The following SLC44A5 variants were observed in gnomAD, a reference collection of about 807,000 sequenced individuals.
The protein encoded by SLC44A5 is choline transporter-like protein 5.
SLC44A5 carries 57 observed loss-of-function variants against 101.8 expected under a neutral mutation model. That is an observed-to-expected ratio of 0.56 (90% CI 0.45 to 0.70). SLC44A5 has a LOEUF of 0.70. Among genes scored for constraint, SLC44A5 ranks in the 30% least tolerant of loss-of-function variants. The pLI, the probability that SLC44A5 is intolerant of heterozygous loss-of-function variation, is 0.00. For missense variants in SLC44A5, 737 were observed against 853.1 expected, an observed-to-expected ratio of 0.86 and a Z score of 1.70; for synonymous variants, 281 against 290.9, an observed-to-expected ratio of 0.97 and a Z score of 0.35.
At chr1:75,322,266 T>A (rs2100964669) in intron 4 of SLC44A5, among the ~76,000 whole-genome samples, 1 of 152,262 alleles carries the variant, frequency 6.6e-6, no homozygotes, top group Admixed American at 6.5e-5. Context: ...GAGCTGAGAT[T>A]GTGCCCCTGT....
the SLC44A5 span, among the ~76,000 whole-genome samples, chr1:75,624,936 G>A: frequency 2.0e-5 from 3 of 151,852 alleles, no homozygotes; most frequent in Admixed American, 6.6e-5. Context: ...CTTCCATAAC[G>A]TGCACCAGTC....
intron 4 of SLC44A5, among the ~76,000 whole-genome samples, chr1:75,321,881 T>A (rs1036220906): frequency 6.6e-6 from 1 of 152,222 alleles, no homozygotes; most frequent in African/African-American, 2.4e-5. Context: ...TATGTCAGTT[T>A]CAATTCTAAA....
At chr1:75,371,128 C>T (rs1457436816) in intron 3 of SLC44A5, among the ~76,000 whole-genome samples, 1 of 152,208 alleles carries the variant, frequency 6.6e-6, no homozygotes, top group African/African-American at 2.4e-5. Context: ...TGCTCCATCT[C>T]TCCATCTCTT....
chr1:75,436,184 T>C (rs1664879359), intron 2 of SLC44A5, among the ~76,000 whole-genome samples: 1 of 152,068 alleles, frequency 6.6e-6, no homozygotes, highest in Admixed American at 6.6e-5. Context: ...TCATCTAAAT[T>C]ATGTGTGTGT....
chr1:75,622,926 T>G, the SLC44A5 span, among the ~76,000 whole-genome samples: 1 of 152,142 alleles, frequency 6.6e-6, no homozygotes, highest in Non-Finnish European at 1.5e-5. Flanking sequence ...AAAAAACAAA[T>G]GGCATACCAA....
At chr1:75,522,276 G>A (rs749714503) in intron 2 of SLC44A5, 1 of 151,672 alleles carries the variant, frequency 6.6e-6, no homozygotes, top group African/African-American at 2.4e-5. Flanking sequence ...ATGCACCAGT[G>A]TGTTATGGCA....
At chr1:75,318,507 A>G (rs1388046831) in intron 4 of SLC44A5, among the ~76,000 whole-genome samples, 1 of 152,224 alleles carries the variant, frequency 6.6e-6, no homozygotes, top group Non-Finnish European at 1.5e-5. Context: ...TTTAATTTTA[A>G]GCCAGATGAT....
the SLC44A5 span, among the ~76,000 whole-genome samples, chr1:75,658,861 A>C: frequency 4.6e-5 from 7 of 152,090 alleles, no homozygotes; most frequent in Non-Finnish European, 1.0e-4. Flanking sequence ...AAGATAAATA[A>C]AATTTTAAAA....
At chr1:75,265,564 C>T (rs1470821149) in intron 6 of SLC44A5, among the ~76,000 whole-genome samples, 1 of 152,124 alleles carries the variant, frequency 6.6e-6, no homozygotes, top group Non-Finnish European at 1.5e-5. Context: ...GGAGATGGGA[C>T]TTGAAATGTT....
At position 75,541,640 on chromosome 1, in the gene SLC44A5, T is replaced by C; in HGVS notation, c.-69-124A>G. On this transcript the variant is annotated intron_variant, in intron 1 of 23. Transcript: ENST00000370859. ...TTACTCTCCCCAAAAACTCAGAGAA[T>C]TAGCCTAATTCTCTTCTACACATAA... The C allele has an allele frequency of 7.4e-6, 4 of 540,976 alleles. No individual in the cohort carries two copies. The South Asian group carries it at 9.6e-5, about 13-fold the overall frequency. The allele number at this position is 540,976 out of a possible 1,614,324, so 33.5% of individuals were successfully genotyped here. A position where few individuals can be genotyped will look rare whatever the true frequency, so the allele number is the denominator to read the frequency against.
At chr1:75,480,501 A>G (rs1667770284) in intron 2 of SLC44A5, among the ~76,000 whole-genome samples, 1 of 152,066 alleles carries the variant, frequency 6.6e-6, no homozygotes, top group Non-Finnish European at 1.5e-5. Context: ...TATCTAGAAA[A>G]CCCCATTGTC....
chr1:75,253,370 T>C (rs1226704631), intron 6 of SLC44A5, among the ~76,000 whole-genome samples: 3 of 152,144 alleles, frequency 2.0e-5, no homozygotes, highest in Admixed American at 6.5e-5. Flanking sequence ...CTGAAAACTA[T>C]GTAATCTGCC....
the SLC44A5 span, among the ~76,000 whole-genome samples, chr1:75,669,691 T>C: frequency 4.3e-4 from 66 of 151,948 alleles, no homozygotes; most frequent in Admixed American, 9.2e-4. Flanking sequence ...CCACCACACA[T>C]ACACACACAA....
In SLC44A5 at chr1:75,342,140, A is replaced by T. The variant is rs181251856; in HGVS notation, c.53-2510T>A. ...GAGTTTTGGGAGACACTACCATTAG[A>T]TGTGAGGAGCCAGTGAAAGAGTTTT... On this transcript the variant is annotated intron_variant, in intron 3 of 23. Transcript: ENST00000370859. Among the ~76,000 whole-genome samples the T allele has an allele frequency of 8.3e-4, 126 of 152,288 alleles. 1 individual carries two copies. In the East Asian group the frequency reaches 9.5e-3, roughly 11 times the overall value.
At chr1:75,365,967 A>G (rs1166696087) in intron 3 of SLC44A5, among the ~76,000 whole-genome samples, 1 of 152,194 alleles carries the variant, frequency 6.6e-6, no homozygotes, top group Non-Finnish European at 1.5e-5. Context: ...ATTTTCTGTG[A>G]ATGAATATAC....
the SLC44A5 span, chr1:75,641,895 C>T: frequency 6.3e-7 from 1 of 1,592,172 alleles, no homozygotes; most frequent in South Asian, 1.1e-5. Flanking sequence ...GAGACCCATT[C>T]AAGAATTTCC....
the SLC44A5 span, chr1:75,641,899 A>C: frequency 6.3e-7 from 1 of 1,597,650 alleles, no homozygotes; most frequent in Non-Finnish European, 8.6e-7. Context: ...CCCATTCAAG[A>C]ATTTCCTTCA....
intron 1 of SLC44A5, among the ~76,000 whole-genome samples, chr1:75,581,661 G>T (rs1673703856): frequency 6.6e-6 from 1 of 152,222 alleles, no homozygotes; most frequent in South Asian, 2.1e-4. Flanking sequence ...CAAATCCTCA[G>T]TGTTGGAGGT....
the SLC44A5 span, among the ~76,000 whole-genome samples, chr1:75,693,842 A>G: frequency 6.6e-6 from 1 of 152,086 alleles, no homozygotes; most frequent in Non-Finnish European, 1.5e-5. Context: ...TGCTAGGTCT[A>G]GTAAGATGAA....
Sources: gnomAD v4.1 joint callset for allele counts (sites outside exome capture counted in the v4.1 genomes callset) on GRCh38, gnomAD v4.1.1 for gene constraint, MANE v1.5 for transcripts, NCBI Gene and HGNC (gene_info 2026-07-23, HGNC 2026-07-21) for gene names.